The following ARHGAP6 variants were observed in gnomAD, a reference collection of about 807,000 sequenced individuals.
ARHGAP6 encodes the protein rho GTPase-activating protein 6.
Under a neutral mutation model 55.7 loss-of-function variants are expected in ARHGAP6, and 16 were observed. The observed-to-expected ratio is 0.29, with a 90% CI of 0.19 to 0.44. The LOEUF is 0.44. ARHGAP6 is among the 20% of genes least tolerant of loss of function. The pLI is 1.00. For synonymous variants in ARHGAP6, 382 were observed against 360.9 expected (o/e 1.06, Z -0.66); for missense variants, 698 against 808.9 (o/e 0.86, Z 1.66).
At chrX:11,252,305 C>T (rs978880943) in intron 2 of ARHGAP6, among the ~76,000 whole-genome samples, 2 of 112,554 alleles carry the variant, frequency 1.8e-5, no homozygotes, top group African/African-American at 6.5e-5. Flanking sequence ...CTCTTCACTA[C>T]AAATTAAGTT....
At chrX:11,342,461 G>T (rs1433362441) in intron 1 of ARHGAP6, among the ~76,000 whole-genome samples, 5 of 111,647 alleles carry the variant, frequency 4.5e-5, no homozygotes, top group African/African-American at 1.6e-4. Context: ...ACTTTAAATG[G>T]GACTGAAATA....
At chrX:11,174,602 T>C (rs2046159586) in intron 8 of ARHGAP6, among the ~76,000 whole-genome samples, 1 of 90,493 alleles carries the variant, frequency 1.1e-5, no homozygotes, top group African/African-American at 4.0e-5. Flanking sequence ...TTTTCTTTCT[T>C]TCTTTCTTTC....
intron 1 of ARHGAP6, among the ~76,000 whole-genome samples, chrX:11,399,045 T>G (rs924677404): frequency 9.4e-4 from 105 of 112,156 alleles, no homozygotes; most frequent in African/African-American, 3.0e-3. Flanking sequence ...TTGATTTCTT[T>G]AAGCACATTT....
At chrX:11,404,017 C>T (rs2049581245) in intron 1 of ARHGAP6, among the ~76,000 whole-genome samples, 1 of 112,144 alleles carries the variant, frequency 8.9e-6, no homozygotes, top group Non-Finnish European at 1.9e-5. Flanking sequence ...AGAGAGAAAA[C>T]GTTGCATTTA....
chrX:11,333,065 AG>A (rs2048581019), intron 1 of ARHGAP6, among the ~76,000 whole-genome samples: 1 of 112,141 alleles, frequency 8.9e-6, no homozygotes, highest in African/African-American at 3.2e-5. Context: ...TCATCGAAGA[AG>A]ATGCTCAGAT....
chrX:11,527,603 T>C (rs1265882165), intron 1 of ARHGAP6, among the ~76,000 whole-genome samples: 2 of 111,667 alleles, frequency 1.8e-5, no homozygotes, highest in African/African-American at 6.5e-5. Context: ...CAGAGCGAGA[T>C]TCCATCTCAA....
intron 1 of ARHGAP6, among the ~76,000 whole-genome samples, chrX:11,516,704 T>C (rs1366326433): frequency 1.8e-5 from 2 of 112,366 alleles, no homozygotes; most frequent in Non-Finnish European, 3.8e-5. Context: ...GTTTTATTGA[T>C]ATTTCTTTTG....
chrX:11,473,621 G>T (rs1444614858), intron 1 of ARHGAP6, among the ~76,000 whole-genome samples: 1 of 111,419 alleles, frequency 9.0e-6, no homozygotes, highest in Non-Finnish European at 1.9e-5. Context: ...GGCAAGGAAG[G>T]AATCTCCCCT....
At chrX:11,392,349 C>A (rs1389667436) in intron 1 of ARHGAP6, among the ~76,000 whole-genome samples, 1 of 111,363 alleles carries the variant, frequency 9.0e-6, no homozygotes, top group Non-Finnish European at 1.9e-5. Context: ...CCCACCCCAT[C>A]ACTCTCATTT....
At chrX:11,654,258 A>G (rs1318742059) in intron 1 of ARHGAP6, among the ~76,000 whole-genome samples, 1 of 111,931 alleles carries the variant, frequency 8.9e-6, no homozygotes, top group Non-Finnish European at 1.9e-5. Flanking sequence ...AGATGAAGTT[A>G]TGAGCAATAC....
At chrX:11,372,534 A>C (rs1348807222) in intron 1 of ARHGAP6, among the ~76,000 whole-genome samples, 1 of 110,416 alleles carries the variant, frequency 9.1e-6, no homozygotes, top group Non-Finnish European at 1.9e-5. Flanking sequence ...GCACTTTGGG[A>C]GGCCGAGGAG....
At chrX:11,568,665 G>A (rs1188705883) in intron 1 of ARHGAP6, among the ~76,000 whole-genome samples, 1 of 108,799 alleles carries the variant, frequency 9.2e-6, no homozygotes, top group Non-Finnish European at 1.9e-5. Flanking sequence ...GCCAAGACAC[G>A]AGAATCTCTT....
chrX:11,377,207 A>G (rs2049211704), intron 1 of ARHGAP6, among the ~76,000 whole-genome samples: 1 of 112,346 alleles, frequency 8.9e-6, no homozygotes, highest in Non-Finnish European at 1.9e-5. Context: ...AGTGCCCAGC[A>G]TAGTGCTTGG....
At chrX:11,358,762 G>T (rs897833017) in intron 1 of ARHGAP6, among the ~76,000 whole-genome samples, 5 of 111,545 alleles carry the variant, frequency 4.5e-5, no homozygotes, top group African/African-American at 1.6e-4. Context: ...GATTACAGGC[G>T]TGAGCCACCG....
chrX:11,577,118 G>A (rs952132957), intron 1 of ARHGAP6, among the ~76,000 whole-genome samples: 1 of 112,054 alleles, frequency 8.9e-6, no homozygotes, highest in African/African-American at 3.2e-5. Context: ...CCCATCTCAA[G>A]ATCCTTAATT....
Position 11,351,251 on chromosome X carries a change from T to C in ARHGAP6, c.589-96544A>G, listed in dbSNP as rs2048860336. On this transcript the variant is annotated intron_variant, in intron 1 of 12. Transcript: ENST00000337414. ...TAATCAGAACTGAAATTAGTCAAAATGAAGAAAAATCTTTTAAAAATAAAA... is the reference window on the plus strand; with the variant it reads ...TAATCAGAACTGAAATTAGTCAAAACGAAGAAAAATCTTTTAAAAATAAAA... 36 of 740,479 alleles carry C rather than the reference T, an allele frequency of 4.9e-5. 2 individuals are homozygous for C. The South Asian group carries it at 1.4e-3, about 29-fold the overall frequency. The allele number at this position is 740,479 out of a possible 1,213,427, so 61.0% of individuals were successfully genotyped here.
intron 2 of ARHGAP6, among the ~76,000 whole-genome samples, chrX:11,207,694 C>T: frequency 8.9e-6 from 1 of 112,257 alleles, no homozygotes; most frequent in Non-Finnish European, 1.9e-5. Context: ...GCTGGCTCCT[C>T]ATCTTTGAGG....
chrX:11,334,998 G>T, intron 1 of ARHGAP6: 1 of 134,774 alleles, frequency 7.4e-6, no homozygotes, highest in Admixed American at 8.6e-5. Flanking sequence ...CCTGAAGATA[G>T]GTGTGTGATT....
At chrX:11,651,565 T>C (rs2052584273) in intron 1 of ARHGAP6, among the ~76,000 whole-genome samples, 1 of 112,081 alleles carries the variant, frequency 8.9e-6, no homozygotes, top group Non-Finnish European at 1.9e-5. Flanking sequence ...GTTGATTCCA[T>C]GTCTTTGCTA....
Sources: gnomAD v4.1 joint callset for allele counts (sites outside exome capture counted in the v4.1 genomes callset) on GRCh38, gnomAD v4.1.1 for gene constraint, MANE v1.5 for transcripts, NCBI Gene and HGNC (gene_info 2026-07-23, HGNC 2026-07-21) for gene names.